TAFA5: variants seen among roughly 807,000 people sequenced by gnomAD.
TAFA5 encodes the protein chemokine-like protein TAFA-5.
TAFA5 carries 6 observed loss-of-function variants against 15.3 expected under a neutral mutation model. The observed-to-expected ratio is 0.39, with a 90% confidence interval of 0.21 to 0.77. The LOEUF is 0.77. Among genes scored for constraint, TAFA5 ranks in the 30% least tolerant of loss-of-function variants. The probability of loss-of-function intolerance (pLI) is 0.41; values close to 1 mark genes in which losing one functional copy is unlikely to be tolerated. For missense variants in TAFA5, 161 were observed against 193.1 expected (o/e 0.83, Z 0.98); for synonymous variants, 103 against 80.7 (o/e 1.28, Z -1.48).
chr22:48,573,723 G>C (rs1356938268), intron 1 of TAFA5, among the ~76,000 whole-genome samples: 1 of 152,184 alleles, frequency 6.6e-6, no homozygotes, highest in Non-Finnish European at 1.5e-5. Context: ...CTCTATTTAT[G>C]AACTTTCTTT....
intron 1 of TAFA5, among the ~76,000 whole-genome samples, chr22:48,618,638 G>A (rs915549945): frequency 2.6e-5 from 4 of 152,188 alleles, no homozygotes; most frequent in African/African-American, 4.8e-5. Flanking sequence ...GTCCACGCCC[G>A]CAGCTCCGTC....
chr22:48,661,275 C>T (rs1445049667), intron 2 of TAFA5, among the ~76,000 whole-genome samples: 1 of 152,156 alleles, frequency 6.6e-6, no homozygotes, highest in African/African-American at 2.4e-5. Flanking sequence ...ACCCTCGGCC[C>T]CGAGCCGCCT....
At chr22:48,613,479 C>T (rs1925486214) in intron 1 of TAFA5, among the ~76,000 whole-genome samples, 1 of 152,234 alleles carries the variant, frequency 6.6e-6, no homozygotes. Context: ...GTTTGTCCTT[C>T]TGACATTCTT....
chr22:48,508,273 G>T (rs965818110), intron 1 of TAFA5, among the ~76,000 whole-genome samples: 14 of 152,196 alleles, frequency 9.2e-5, no homozygotes, highest in African/African-American at 2.7e-4. Flanking sequence ...AGAGGTAGGT[G>T]CTGACCCAGG....
chr22:48,737,211 C>T (rs1930054386), intron 3 of TAFA5, among the ~76,000 whole-genome samples: 2 of 152,224 alleles, frequency 1.3e-5, no homozygotes, highest in Non-Finnish European at 2.9e-5. Flanking sequence ...TGTCCCACCC[C>T]AAATGGCCAT....
chr22:48,578,181 C>T (rs1747838145), intron 1 of TAFA5, among the ~76,000 whole-genome samples: 1 of 152,202 alleles, frequency 6.6e-6, no homozygotes, highest in African/African-American at 2.4e-5. Flanking sequence ...GTGAAAATTT[C>T]AGTGTTTCTC....
chr22:48,745,340 A>T (rs1930297043), intron 3 of TAFA5, among the ~76,000 whole-genome samples: 2 of 137,836 alleles, frequency 1.5e-5, no homozygotes, highest in Non-Finnish European at 1.5e-5. Flanking sequence ...CACCCTGAGC[A>T]TGGGCACACA....
At chr22:48,509,868 G>A (rs1200534913) in intron 1 of TAFA5, among the ~76,000 whole-genome samples, 2 of 151,166 alleles carry the variant, frequency 1.3e-5, no homozygotes, top group Non-Finnish European at 2.9e-5. Flanking sequence ...GGAGAATGGC[G>A]TGAACCCGGG....
intron 1 of TAFA5, among the ~76,000 whole-genome samples, chr22:48,569,950 C>T (rs1247159304): frequency 2.0e-5 from 3 of 152,260 alleles, no homozygotes; most frequent in Non-Finnish European, 1.5e-5. Flanking sequence ...TCCTGGCCGC[C>T]AGTGCCCCCG....
At chr22:48,661,946 G>A (rs1280378035) in intron 2 of TAFA5, among the ~76,000 whole-genome samples, 1 of 143,550 alleles carries the variant, frequency 7.0e-6, no homozygotes, top group African/African-American at 2.6e-5. Flanking sequence ...GGGAGATGGT[G>A]ACTGGGGGCT....
chr22:48,526,185 A>G (rs1290042171), intron 1 of TAFA5, among the ~76,000 whole-genome samples: 3 of 151,730 alleles, frequency 2.0e-5, no homozygotes, highest in Non-Finnish European at 4.4e-5. Context: ...CAGGGCTGGG[A>G]CTCCGGTCTG....
chr22:48,672,341 T>C (rs951520435), intron 2 of TAFA5, among the ~76,000 whole-genome samples: 3 of 152,248 alleles, frequency 2.0e-5, no homozygotes, highest in African/African-American at 7.2e-5. Context: ...GGTAGAGAAT[T>C]TGGACAGTAG....
chr22:48,741,016 G>A (rs368970916), intron 3 of TAFA5, among the ~76,000 whole-genome samples: 13 of 152,202 alleles, frequency 8.5e-5, no homozygotes, highest in South Asian at 6.2e-4. Flanking sequence ...GAGACCCAAC[G>A]TCCCCGAGGA....
chr22:48,513,982 C>T (rs1353735470), intron 1 of TAFA5, among the ~76,000 whole-genome samples: 1 of 152,104 alleles, frequency 6.6e-6, no homozygotes, highest in African/African-American at 2.4e-5. Flanking sequence ...CCTGCCCTTC[C>T]CTTTCCTGTC....
At chr22:48,529,398 G>T (rs559755601) in intron 1 of TAFA5, among the ~76,000 whole-genome samples, 10 of 117,750 alleles carry the variant, frequency 8.5e-5, no homozygotes, top group African/African-American at 3.0e-4. Flanking sequence ...AGATGAGGGT[G>T]TCAGGCAGGA....
intron 1 of TAFA5, among the ~76,000 whole-genome samples, chr22:48,629,378 G>A (rs1438415170): frequency 6.6e-6 from 1 of 152,224 alleles, no homozygotes; most frequent in Non-Finnish European, 1.5e-5. Context: ...TTGGGAATGA[G>A]GCACTGTGGA....
At chr22:48,696,229 C>G (rs1224776077) in intron 2 of TAFA5, among the ~76,000 whole-genome samples, 1 of 152,242 alleles carries the variant, frequency 6.6e-6, no homozygotes, top group Non-Finnish European at 1.5e-5. Flanking sequence ...GGCCTGAGCT[C>G]TGCAGACGCT....
chr22:48,544,571 C>T (rs966583996), intron 1 of TAFA5: 4 of 409,796 alleles, frequency 9.8e-6, no homozygotes, highest in African/African-American at 6.1e-5. Context: ...TGCATCAGCA[C>T]ATGCCAGCTT....
intron 1 of TAFA5, among the ~76,000 whole-genome samples, chr22:48,521,839 ATC>A (rs1921611708): frequency 1.3e-5 from 2 of 152,174 alleles, no homozygotes; most frequent in Non-Finnish European, 2.9e-5. Context: ...TTCACCTGGC[ATC>A]TGTCAACTTG....
Sources: allele counts gnomAD v4.1 joint callset (sites outside exome capture counted in the v4.1 genomes callset), GRCh38; gene constraint gnomAD v4.1.1; transcripts MANE v1.5; gene names NCBI Gene and HGNC (gene_info 2026-07-23, HGNC 2026-07-21).